OR51L1: variants seen among roughly 807,000 people sequenced by gnomAD.
OR51L1 encodes the protein olfactory receptor 51L1.
OR51L1 carries 1 observed loss-of-function variant against 1.4 expected under a neutral mutation model. That is an observed-to-expected ratio of 0.72 (90% CI 0.26 to 3.42). OR51L1 has a LOEUF of 3.42. Ranked by LOEUF, OR51L1 falls within the 30% of genes most tolerant of loss-of-function variation. The pLI is 0.20. For synonymous variants in OR51L1, 156 were observed against 144.2 expected (o/e 1.08, Z -0.59); for missense variants, 378 against 380.0 (o/e 0.99, Z 0.04).
rs1023165111 is a variant in OR51L1 at position 5,003,231 on chromosome 11, C to T, written c.*3301C>T. 7 of 152,220 alleles carry T rather than the reference C, an allele frequency of 4.6e-5. No homozygotes were observed. The highest frequency in any genetic ancestry group is 1.4e-4 in the African/African-American group (6 of 41,428). The allele number at this position is 152,220 out of a possible 1,614,324, so 9.4% of individuals were successfully genotyped here. The stretch of plus-strand genomic sequence containing the variant: ...GGACCTTATAGTCTGGCGCCTTTCC[C>T]GTGATCCTTCCCTTAGAGTGGGCTA... On this transcript the variant is annotated 3_prime_UTR_variant, in exon 3 of 3. Transcript: ENST00000641819.
chr11:4,999,548 T>A lies in OR51L1; in HGVS notation c.566T>A (p.Leu189Ter). Residue 189 changes from leucine (L) to a stop codon, truncating the protein, a stop_gained, in exon 3 of 3, where the codon TTA becomes TAA. Transcript: ENST00000641819. LOFTEE classifies it low-confidence loss of function (END_TRUNC). ...TGTTTGCACCAGGATGTTCTAAGAT[T>A]ATCCTGTACAGATGCCAGGACCAAC... ...AFCLHQDVLR[L>*]SCTDARTNSI... 6.2e-7 allele frequency: 1 copy of A among 1,613,812 alleles called. No individual in the cohort carries two copies. The highest frequency in any genetic ancestry group is 1.1e-5 in the South Asian group (1 of 91,080).
rs61880472 is a variant in OR51L1 at position 5,001,062 on chromosome 11, G to A, written c.*1132G>A. The A allele has an allele frequency of 0.23, 35,121 of 152,064 alleles. 4,453 individuals are homozygous for A. Among genetic ancestry groups the A allele is most frequent in the South Asian group, 0.4 (1,930 of 4,806 alleles). 9.4% of individuals were successfully genotyped at this position (152,064 alleles called of 1,614,324 possible). A position where few individuals can be genotyped will look rare whatever the true frequency, so the allele number is the denominator to read the frequency against. On this transcript the variant is annotated 3_prime_UTR_variant, in exon 3 of 3. Coordinates refer to ENST00000641819, the MANE Select transcript of OR51L1 (RefSeq NM_001004755.2). The stretch of plus-strand genomic sequence containing the variant: ...CGAATAGCTGGGATGACAGGTCTGC[G>A]CCACCATCCCCAGCTAATTTTTGTA...
intron 1 of OR51L1, among the ~76,000 whole-genome samples, chr11:4,995,730 G>A (rs1428409738): frequency 2.0e-5 from 3 of 151,812 alleles, no homozygotes; most frequent in Non-Finnish European, 4.4e-5. Flanking sequence ...TTTCTCTTTC[G>A]ACCTCAGTGT....
In OR51L1 at chr11:4,999,466, C is replaced by T. The variant is rs1847105977; in HGVS notation, c.484C>T (p.Pro162Ser). 1 of 1,614,126 alleles carries T rather than the reference C, an allele frequency of 6.2e-7. No individual in the cohort carries two copies. The highest frequency in any genetic ancestry group is 1.1e-5 in the South Asian group (1 of 91,072). Reference sequence around the variant, plus strand: ...AAGCTTGGGAGTTGTACTTCCCACACCTTTGCTACTGAGACACTATCACTA... The same window carrying T: ...AAGCTTGGGAGTTGTACTTCCCACATCTTTGCTACTGAGACACTATCACTA... ...LRSLGVVLPT[P>S]LLLRHYHYCH... The change falls in exon 3 of 3, where the codon CCT becomes TCT. Residue 162 changes from proline to serine, a missense_variant. Transcript: ENST00000641819.
At chr11:4,998,259 T>C (rs1020840202) in intron 2 of OR51L1, among the ~76,000 whole-genome samples, 2 of 151,558 alleles carry the variant, frequency 1.3e-5, no homozygotes, top group Admixed American at 1.3e-4. Flanking sequence ...ACACACTATA[T>C]ATATAGTTTT....
In OR51L1 at chr11:4,998,901, T is replaced by C. The variant is rs1274067722; in HGVS notation, c.-82T>C. Reference sequence around the variant, plus strand: ...ATTTTTGTCCTCATTCCATTATTTGTACTCAAAAGAGATAACTTTGAGGGA... The same window carrying C: ...ATTTTTGTCCTCATTCCATTATTTGCACTCAAAAGAGATAACTTTGAGGGA... On this transcript the variant is annotated 5_prime_UTR_variant, in exon 3 of 3. Transcript: ENST00000641819. 1 of 1,434,412 alleles carries C rather than the reference T, an allele frequency of 7.0e-7. No individual in the cohort carries two copies. The highest frequency in any genetic ancestry group is 9.5e-7 in the Non-Finnish European group (1 of 1,053,902). The allele number at this position is 1,434,412 out of a possible 1,614,324, so 88.9% of individuals were successfully genotyped here.
intron 1 of OR51L1, among the ~76,000 whole-genome samples, chr11:4,995,971 A>G (rs2133658676): frequency 6.6e-6 from 1 of 152,232 alleles, no homozygotes; most frequent in Admixed American, 6.5e-5. Context: ...AAAGTAGCTC[A>G]AAGCATACAA....
At position 5,001,322 on chromosome 11, in the gene OR51L1, G is replaced by C. The variant is rs772276887; in HGVS notation, c.*1392G>C. On this transcript the variant is annotated 3_prime_UTR_variant, in exon 3 of 3. Transcript: ENST00000641819. ...TAAAGGTCGTAATTGCATTACTAAA[G>C]AGCAAAATAAGAGGTGACGGAAAAG... 2.0e-5 allele frequency: 3 copies of C among 152,108 alleles called. No individual in the cohort carries two copies. Among genetic ancestry groups the C allele is most frequent in the Non-Finnish European group, 4.4e-5 (3 of 68,026 alleles). The allele number at this position is 152,108 out of a possible 1,614,324, so 9.4% of individuals were successfully genotyped here. A position where few individuals can be genotyped will look rare whatever the true frequency, so the allele number is the denominator to read the frequency against.
rs1454888300 is a variant in OR51L1, at chr11:5,001,285, A to G, written c.*1355A>G. 1 of 152,210 alleles carries G rather than the reference A, an allele frequency of 6.6e-6. No individual in the cohort carries two copies. The highest frequency in any genetic ancestry group is 2.4e-5 in the African/African-American group (1 of 41,442). The allele number at this position is 152,210 out of a possible 1,614,324, so 9.4% of individuals were successfully genotyped here. A position where few individuals can be genotyped will look rare whatever the true frequency, so the allele number is the denominator to read the frequency against. On this transcript the variant is annotated 3_prime_UTR_variant, in exon 3 of 3. Coordinates refer to ENST00000641819, the MANE Select transcript of OR51L1 (RefSeq NM_001004755.2). The stretch of plus-strand genomic sequence containing the variant: ...GCTTGCAGGTGGTTTGGCCAGTGGA[A>G]AGAAAGGAATGTAAAGGTCGTAATT...
chr11:5,002,635 T>C lies in OR51L1; in HGVS notation c.*2705T>C, dbSNP rs1254417726. The C allele has an allele frequency of 2.0e-5, 3 of 152,024 alleles. No homozygotes were observed. The highest frequency in any genetic ancestry group is 7.2e-5 in the African/African-American group (3 of 41,396). The allele number at this position is 152,024 out of a possible 1,614,324, so 9.4% of individuals were successfully genotyped here. ...ATCCACTGACACATTCAATGACTAA[T>C]GTAGAAAGTTGGAAAGGTCTGGCCC... is the stretch of plus-strand genomic sequence containing the variant. On this transcript the variant is annotated 3_prime_UTR_variant, in exon 3 of 3. Coordinates refer to ENST00000641819, the MANE Select transcript of OR51L1 (RefSeq NM_001004755.2).
Position 4,998,993 on chromosome 11 carries a change from G to A in OR51L1, c.11G>A (p.Trp4Ter). The part of the protein sequence containing the change: MGD[W>*]NNSDAVEPIF... Reference sequence around the variant, plus strand: ...TTACTCAAAGTCACTATGGGAGACTGGAATAACAGTGATGCTGTGGAGCCC... The same window carrying A: ...TTACTCAAAGTCACTATGGGAGACTAGAATAACAGTGATGCTGTGGAGCCC... Residue 4 changes from tryptophan (W) to a stop codon, truncating the protein, a stop_gained, in exon 3 of 3, where the codon TGG becomes TAG. Transcript: ENST00000641819. LOFTEE classifies it low-confidence loss of function (END_TRUNC). The A allele has an allele frequency of 6.2e-7, 1 of 1,613,314 alleles. No individual in the cohort carries two copies. The highest frequency in any genetic ancestry group is 8.5e-7 in the Non-Finnish European group (1 of 1,179,544).
Position 4,994,858 on chromosome 11 carries a change from G to C in OR51L1, c.-739G>C, listed in dbSNP as rs1026440147. The stretch of plus-strand genomic sequence containing the variant: ...AGCCTCACCACTCACAGAGTCGAAG[G>C]TTTTCAAAACCTGAGGTTCATAGAG... On this transcript the variant is annotated 5_prime_UTR_variant, in exon 1 of 3. Coordinates refer to ENST00000641819, the MANE Select transcript of OR51L1 (RefSeq NM_001004755.2). 2.0e-5 allele frequency: 3 copies of C among 152,076 alleles called. No homozygotes were observed. Among genetic ancestry groups the C allele is most frequent in the Admixed American group, 2.0e-4 (3 of 15,252 alleles). The allele number at this position is 152,076 out of a possible 1,614,324, so 9.4% of individuals were successfully genotyped here. A position where few individuals can be genotyped will look rare whatever the true frequency, so the allele number is the denominator to read the frequency against.
In OR51L1 at chr11:5,001,133, G is replaced by A. The variant is rs1471635267; in HGVS notation, c.*1203G>A. The A allele has an allele frequency of 6.6e-6, 1 of 152,112 alleles. No individual in the cohort carries two copies. Among genetic ancestry groups the A allele is most frequent in the Non-Finnish European group, 1.5e-5 (1 of 68,108 alleles). The allele number at this position is 152,112 out of a possible 1,614,324, so 9.4% of individuals were successfully genotyped here. On this transcript the variant is annotated 3_prime_UTR_variant, in exon 3 of 3. Transcript: ENST00000641819. ...TCACCATGTTGGGCAGGCTGGACTC[G>A]AACTCCTGACCTCAGGTGATCTGCC...
rs1847058594 is a variant in OR51L1 at position 4,995,291 on chromosome 11, A to G, written c.-306A>G. On this transcript the variant is annotated 5_prime_UTR_variant, in exon 1 of 3. Coordinates refer to ENST00000641819, the MANE Select transcript of OR51L1 (RefSeq NM_001004755.2). ...TTGAGAAATGGGCTACTGATTGCAA[A>G]TTAACTAGGCATATTGATTCAATTG... The G allele has an allele frequency of 6.6e-6, 1 of 152,098 alleles. No homozygotes were observed. Among genetic ancestry groups the G allele is most frequent in the Non-Finnish European group, 1.5e-5 (1 of 67,954 alleles). The allele number at this position is 152,098 out of a possible 1,614,324, so 9.4% of individuals were successfully genotyped here.
rs929382812 is a variant in OR51L1 at position 5,001,220 on chromosome 11, G to A, written c.*1290G>A. On this transcript the variant is annotated 3_prime_UTR_variant, in exon 3 of 3. Coordinates refer to ENST00000641819, the MANE Select transcript of OR51L1 (RefSeq NM_001004755.2). Reference sequence around the variant, plus strand: ...GAGCTCCCTAGACCAGCTGGCCTATGGAACTTCTAAGAAAACGTAGAGTAA... The same window carrying A: ...GAGCTCCCTAGACCAGCTGGCCTATAGAACTTCTAAGAAAACGTAGAGTAA... 1.3e-5 allele frequency: 2 copies of A among 152,090 alleles called. No homozygotes were observed. The highest frequency in any genetic ancestry group is 2.9e-5 in the Non-Finnish European group (2 of 68,026). 9.4% of individuals were successfully genotyped at this position (152,090 alleles called of 1,614,324 possible).
At chr11:4,998,565 G>C (rs1174586343) in intron 2 of OR51L1, among the ~76,000 whole-genome samples, 2 of 152,082 alleles carry the variant, frequency 1.3e-5, no homozygotes, top group East Asian at 3.8e-4. Context: ...AGATAGCCTA[G>C]AAGCAATAAC....
At position 4,999,648 on chromosome 11, in the gene OR51L1, G is replaced by C; in HGVS notation, c.666G>C (p.Leu222=). ...DSIFILLSYV[L]ILNTVLDIAS... The stretch of plus-strand genomic sequence containing the variant: ...TCTTCATACTTCTTTCTTATGTTCT[G>C]ATTCTTAATACTGTGCTGGATATTG... Residue 222 remains leucine (L), a synonymous_variant, in exon 3 of 3, where the codon CTG becomes CTC. Transcript: ENST00000641819. 1 of 1,614,030 alleles carries C rather than the reference G, an allele frequency of 6.2e-7. No homozygotes were observed. The highest frequency in any genetic ancestry group is 2.2e-5 in the East Asian group (1 of 44,870).
At chr11:4,996,231 T>C (rs1847067389) in intron 1 of OR51L1, among the ~76,000 whole-genome samples, 1 of 151,918 alleles carries the variant, frequency 6.6e-6, no homozygotes, top group Admixed American at 6.6e-5. Flanking sequence ...GTTCTTAGCA[T>C]ACACATGCAC....
At chr11:4,995,477 GA>G (rs986377588) in intron 1 of OR51L1, 142 bp downstream of exon 1, 23 of 152,092 alleles carry the variant, frequency 1.5e-4, no homozygotes, top group Admixed American at 1.1e-3. Context: ...TCTCATCTGT[GA>G]AAAAAATTAA....
Sources: gnomAD v4.1 joint callset for allele counts (sites outside exome capture counted in the v4.1 genomes callset) on GRCh38, gnomAD v4.1.1 for gene constraint, MANE v1.5 for transcripts, NCBI Gene and HGNC (gene_info 2026-07-23, HGNC 2026-07-21) for gene names.